Variants in RAB27B observed in about 807,000 individuals in gnomAD.
The protein encoded by RAB27B is ras-related protein Rab-27B.
A neutral mutation model predicts 24.6 loss-of-function variants in RAB27B; 15 were observed. The observed-to-expected ratio is 0.61, with a 90% CI of 0.41 to 0.94. The LOEUF (loss-of-function observed/expected upper bound fraction) is 0.94, where lower values mean the gene tolerates loss of function less well. Ranked by LOEUF, RAB27B falls within the 40% of genes least tolerant of loss-of-function variation. The pLI is 0.00. For synonymous variants in RAB27B, 105 were observed against 92.5 expected, an observed-to-expected ratio of 1.14 and a Z score of -0.78; for missense variants, 261 against 266.8, an observed-to-expected ratio of 0.98 and a Z score of 0.15.
chr18:54,882,443 C>A lies in RAB27B; in HGVS notation c.240-1890C>A, dbSNP rs147083908. ...GGTAGAATTTGGATGAATAAACAAT[C>A]GCAATGGAGCCTTAGGATACTAACA... On this transcript the variant is annotated intron_variant, in intron 3 of 5. Transcript: ENST00000262094. Among the ~76,000 whole-genome samples the A allele has an allele frequency of 2.8e-4, 43 of 152,262 alleles. 1 individual carries two copies. In the East Asian group the frequency reaches 6.2e-3, roughly 22 times the overall value.
intron 2 of RAB27B, among the ~76,000 whole-genome samples, chr18:54,763,201 A>C (rs1037939411): frequency 2.6e-5 from 4 of 152,188 alleles, no homozygotes; most frequent in Non-Finnish European, 4.4e-5. Flanking sequence ...AAAGCAATCT[A>C]AAGTGAGAGT....
intron 2 of RAB27B, among the ~76,000 whole-genome samples, chr18:54,809,043 G>GA (rs1199953993): frequency 6.6e-6 from 1 of 152,158 alleles, no homozygotes; most frequent in African/African-American, 2.4e-5. Context: ...TTCTTTGGTT[G>GA]AAATTTTCCC....
chr18:54,757,134 T>G (rs1908030246), intron 2 of RAB27B, among the ~76,000 whole-genome samples: 1 of 152,134 alleles, frequency 6.6e-6, no homozygotes. Flanking sequence ...AAAGTCTCAA[T>G]TAGGAGACAG....
At chr18:54,808,538 A>G (rs1212609874) in intron 2 of RAB27B, among the ~76,000 whole-genome samples, 2 of 152,252 alleles carry the variant, frequency 1.3e-5, no homozygotes, top group African/African-American at 4.8e-5. Flanking sequence ...TCTTATTATC[A>G]GCCTCCACAA....
intron 2 of RAB27B, among the ~76,000 whole-genome samples, chr18:54,767,277 A>T (rs1486399561): frequency 6.6e-6 from 1 of 152,050 alleles, no homozygotes; most frequent in Non-Finnish European, 1.5e-5. Context: ...AAGGCAAATA[A>T]CTCCACATAC....
intron 1 of RAB27B, among the ~76,000 whole-genome samples, chr18:54,870,851 A>G (rs538287642): frequency 2.6e-5 from 4 of 152,292 alleles, no homozygotes; most frequent in South Asian, 2.1e-4. Flanking sequence ...ATTTGCGTCA[A>G]AATAATCTGG....
At chr18:54,735,552 C>T (rs970350840) in intron 2 of RAB27B, among the ~76,000 whole-genome samples, 5 of 152,004 alleles carry the variant, frequency 3.3e-5, no homozygotes, top group African/African-American at 9.7e-5. Flanking sequence ...GATGGTGTTT[C>T]ACTCTGTTGC....
At chr18:54,874,938 C>T (rs761075494) in intron 1 of RAB27B, among the ~76,000 whole-genome samples, 1 of 152,094 alleles carries the variant, frequency 6.6e-6, no homozygotes, top group African/African-American at 2.4e-5. Flanking sequence ...CATACTATGG[C>T]AGAAAACTTC....
At chr18:54,868,324 C>A (rs191569831) in intron 1 of RAB27B, among the ~76,000 whole-genome samples, 2 of 152,228 alleles carry the variant, frequency 1.3e-5, no homozygotes, top group Admixed American at 1.3e-4. Flanking sequence ...ATATGATGTA[C>A]CTGCTCCCCT....
intron 1 of RAB27B, among the ~76,000 whole-genome samples, chr18:54,865,494 G>A (rs973335963): frequency 6.6e-6 from 1 of 152,140 alleles, no homozygotes; most frequent in African/African-American, 2.4e-5. Context: ...AATCTCTTAA[G>A]GTGCACTATT....
In RAB27B at chr18:54,856,230, T is replaced by G. The variant is rs112785025; in HGVS notation, c.-19-21337T>G. Among the ~76,000 whole-genome samples, 728 of 152,322 alleles carry G rather than the reference T, an allele frequency of 4.8e-3. 32 individuals carry two copies. In the South Asian group the frequency reaches 0.12, roughly 25 times the overall value. ...CTGAGAACTGAATGACAATTAGAAG[T>G]CAGCTTATGAAAGTCGGGGAGGAGG... On this transcript the variant is annotated intron_variant, in intron 1 of 5. Coordinates refer to ENST00000262094, the MANE Select transcript of RAB27B (RefSeq NM_004163.4).
At chr18:54,857,837 T>A (rs1391710719) in intron 1 of RAB27B, among the ~76,000 whole-genome samples, 1 of 152,228 alleles carries the variant, frequency 6.6e-6, no homozygotes, top group Non-Finnish European at 1.5e-5. Flanking sequence ...GCAGCTTGCA[T>A]CCTTATACTC....
At chr18:54,868,928 A>G (rs1257716744) in intron 1 of RAB27B, among the ~76,000 whole-genome samples, 1 of 152,192 alleles carries the variant, frequency 6.6e-6, no homozygotes, top group Non-Finnish European at 1.5e-5. Context: ...ATAGCCCATA[A>G]ACACAAGCCC....
At chr18:54,845,767 T>G (rs1453294156) in intron 1 of RAB27B, among the ~76,000 whole-genome samples, 1 of 152,192 alleles carries the variant, frequency 6.6e-6, no homozygotes, top group African/African-American at 2.4e-5. Flanking sequence ...GTAAATATGT[T>G]AATTGGCCAA....
At chr18:54,724,961 A>G (rs1182097816) in intron 2 of RAB27B, among the ~76,000 whole-genome samples, 1 of 151,568 alleles carries the variant, frequency 6.6e-6, no homozygotes, top group African/African-American at 2.4e-5. Context: ...TGAAAGAGGA[A>G]TGAGACTTGT....
At chr18:54,811,195 T>C (rs1026906200) in intron 2 of RAB27B, among the ~76,000 whole-genome samples, 14 of 152,278 alleles carry the variant, frequency 9.2e-5, no homozygotes, top group Non-Finnish European at 1.6e-4. Context: ...ACATAGAGAC[T>C]GTGAACTCAA....
chr18:54,877,465 C>A, intron 1 of RAB27B, 102 bp from the exon 2 acceptor site: 2 of 949,424 alleles, frequency 2.1e-6, no homozygotes, highest in South Asian at 3.3e-5. Context: ...TAGAGGTATT[C>A]AACTTTTTAA....
intron 2 of RAB27B, among the ~76,000 whole-genome samples, chr18:54,786,219 C>T (rs561721450): frequency 3.9e-4 from 59 of 152,226 alleles, no homozygotes; most frequent in Admixed American, 7.9e-4. Context: ...AAAATTCTTT[C>T]CTTGAGTCTT....
At chr18:54,775,525 C>T (rs183749579) in intron 2 of RAB27B, among the ~76,000 whole-genome samples, 8 of 152,150 alleles carry the variant, frequency 5.3e-5, no homozygotes, top group African/African-American at 1.7e-4. Context: ...CATGTTTTGC[C>T]TCCTGGCCTT....
Sources: allele counts gnomAD v4.1 joint callset (sites outside exome capture counted in the v4.1 genomes callset), GRCh38; gene constraint gnomAD v4.1.1; transcripts MANE v1.5; gene names NCBI Gene and HGNC (gene_info 2026-07-23, HGNC 2026-07-21).